The following AGPAT3 variants were observed in gnomAD, a reference collection of about 807,000 sequenced individuals.
The protein encoded by AGPAT3 is 1-acyl-sn-glycerol-3-phosphate acyltransferase gamma.
AGPAT3 carries 5 observed loss-of-function variants against 47.3 expected under a neutral mutation model. The observed-to-expected ratio is 0.11, with a 90% CI of 0.06 to 0.22. AGPAT3 has a LOEUF of 0.22. AGPAT3 is among the 10% of genes least tolerant of loss of function. The pLI is 1.00. For missense variants in AGPAT3, 315 were observed against 493.0 expected, an observed-to-expected ratio of 0.64 and a Z score of 3.42; for synonymous variants, 212 against 208.3, an observed-to-expected ratio of 1.02 and a Z score of -0.15.
At chr21:43,877,407 A>G (rs1373927905) in intron 1 of AGPAT3, among the ~76,000 whole-genome samples, 1 of 152,224 alleles carries the variant, frequency 6.6e-6, no homozygotes, top group Non-Finnish European at 1.5e-5. Flanking sequence ...TAGAAAATAA[A>G]TGTGAAGGAA....
intron 2 of AGPAT3, among the ~76,000 whole-genome samples, chr21:43,904,960 G>A (rs2086453585): frequency 6.6e-6 from 1 of 152,138 alleles, no homozygotes; most frequent in South Asian, 2.1e-4. Context: ...TCACAACCCA[G>A]GGTGTGTTGA....
At chr21:43,885,888 G>A (rs965765041) in intron 1 of AGPAT3, among the ~76,000 whole-genome samples, 2 of 152,268 alleles carry the variant, frequency 1.3e-5, no homozygotes, top group African/African-American at 4.8e-5. Context: ...GGATGGGTAA[G>A]CAGTGTTTTC....
chr21:43,951,410 G>A (rs1041807249), intron 2 of AGPAT3, among the ~76,000 whole-genome samples: 3 of 152,240 alleles, frequency 2.0e-5, no homozygotes, highest in Non-Finnish European at 2.9e-5. Flanking sequence ...TCCGCCAACT[G>A]CTGTCTGCTG....
intron 1 of AGPAT3, among the ~76,000 whole-genome samples, chr21:43,868,884 G>C (rs2123490807): frequency 6.6e-6 from 1 of 152,308 alleles, no homozygotes; most frequent in Middle Eastern, 3.4e-3. Context: ...GTGGGGAAGT[G>C]TGGCCAGCGT....
intron 1 of AGPAT3, among the ~76,000 whole-genome samples, chr21:43,878,940 C>T (rs1424804816): frequency 1.3e-5 from 2 of 152,100 alleles, no homozygotes; most frequent in East Asian, 1.9e-4. Flanking sequence ...GAGGTTTCAC[C>T]ATATTGGCCA....
chr21:43,971,469 A>G lies in AGPAT3; in HGVS notation c.746A>G (p.Tyr249Cys). 1 of 1,614,222 alleles carries G rather than the reference A, an allele frequency of 6.2e-7. No individual in the cohort carries two copies. The highest frequency in any genetic ancestry group is 8.5e-7 in the Non-Finnish European group (1 of 1,180,030). ...SLLGILYGKKYEADMCVRRFP... is the reference protein window; with the variant it reads ...SLLGILYGKKCEADMCVRRFP... Reference sequence around the variant, plus strand: ...CTGGGGATCCTCTACGGGAAGAAGTACGAGGCGGACATGTGCGTGAGGTGA... The same window carrying G: ...CTGGGGATCCTCTACGGGAAGAAGTGCGAGGCGGACATGTGCGTGAGGTGA... Residue 249 changes from tyrosine to cysteine, a missense_variant, in exon 7 of 10, where the codon TAC becomes TGC. Tyr to Cys is a radical substitution (Grantham distance 194, BLOSUM62 -2). Coordinates refer to ENST00000291572, the MANE Select transcript of AGPAT3 (RefSeq NM_020132.5).
chr21:43,917,023 G>A (rs946769121), intron 2 of AGPAT3, among the ~76,000 whole-genome samples: 1 of 152,086 alleles, frequency 6.6e-6, no homozygotes, highest in Non-Finnish European at 1.5e-5. Flanking sequence ...GGCAGAGCCC[G>A]TGGCCCCTCT....
chr21:43,962,805 G>T (rs778964793), intron 3 of AGPAT3, among the ~76,000 whole-genome samples: 2 of 152,160 alleles, frequency 1.3e-5, no homozygotes, highest in Non-Finnish European at 2.9e-5. Context: ...GTCTCATTCA[G>T]GCCTGAAGAA....
rs73906677 is a variant in AGPAT3, at chr21:43,942,094, G to C, written c.-48-17540G>C. Among the ~76,000 whole-genome samples, 846 of 152,384 alleles carry C rather than the reference G, an allele frequency of 5.6e-3. 6 individuals carry two copies. The highest frequency in any genetic ancestry group is 0.019 in the African/African-American group (792 of 41,586). On this transcript the variant is annotated intron_variant, in intron 2 of 9. Coordinates refer to ENST00000291572, the MANE Select transcript of AGPAT3 (RefSeq NM_020132.5). ...TTAGCTGTGGAATTCGAGGCCTCAA[G>C]TGGTGGCCTGCGCCGTGGCAGCGTA...
intron 1 of AGPAT3, among the ~76,000 whole-genome samples, chr21:43,899,579 CAGGG>C (rs1211475275): frequency 6.6e-6 from 1 of 152,158 alleles, no homozygotes; most frequent in Admixed American, 6.5e-5. Context: ...GGCTGGCAGA[CAGGG>C]AGGAGGGAGC....
At chr21:43,875,552 A>G (rs1345166717) in intron 1 of AGPAT3, among the ~76,000 whole-genome samples, 1 of 152,190 alleles carries the variant, frequency 6.6e-6, no homozygotes, top group Non-Finnish European at 1.5e-5. Context: ...TTATTTCTTC[A>G]GCTGTCTTCC....
chr21:43,870,563 A>C (rs7279939), intron 1 of AGPAT3, among the ~76,000 whole-genome samples: 99,199 of 149,676 alleles, frequency 0.66, 34,741 homozygotes, highest in Admixed American at 0.78. Flanking sequence ...AAAAAAAAAA[A>C]AACCCAAAAA....
At position 43,922,687 on chromosome 21, in the gene AGPAT3, G is replaced by A. The variant is rs1407640126; in HGVS notation, c.-49+18668G>A. ...AACAGTGTGCTCTGGGCTTCCATGG[G>A]GTCTCCCAGCTCAGGGGCTGTGGCT... On this transcript the variant is annotated intron_variant, in intron 2 of 9. Coordinates refer to ENST00000291572, the MANE Select transcript of AGPAT3 (RefSeq NM_020132.5). The surrounding 1 kb of genome is among the most constrained non-coding windows in gnomAD (Gnocchi z 4.9). 1.3e-5 allele frequency among the ~76,000 whole-genome samples: 2 copies of A among 151,904 alleles called. No individual in the cohort carries two copies. Among genetic ancestry groups the A allele is most frequent in the African/African-American group, 4.8e-5 (2 of 41,432 alleles).
chr21:43,967,562 C>G (rs2089190016), intron 3 of AGPAT3: 1 of 188,412 alleles, frequency 5.3e-6, no homozygotes. Context: ...GTCTGTTCTG[C>G]AGACATACGA....
At chr21:43,872,178 GTT>G (rs111592161) in intron 1 of AGPAT3, among the ~76,000 whole-genome samples, 4 of 139,418 alleles carry the variant, frequency 2.9e-5, no homozygotes, top group African/African-American at 7.9e-5. Flanking sequence ...TGTAAATGGT[GTT>G]TTTTTTTTTT....
rs1382695070 is a variant in AGPAT3 at position 43,985,424 on chromosome 21, C to G, written c.*3032C>G. The stretch of plus-strand genomic sequence containing the variant: ...AAAAAAAAAAAAAAGCACGTCCTGT[C>G]GATGAATTTTGAGTCTCTCTGCCTT... On this transcript the variant is annotated 3_prime_UTR_variant, in exon 10 of 10. Coordinates refer to ENST00000291572, the MANE Select transcript of AGPAT3 (RefSeq NM_020132.5). 6 of 332,314 alleles carry G rather than the reference C, an allele frequency of 1.8e-5. No individual in the cohort carries two copies. Among genetic ancestry groups the G allele is most frequent in the South Asian group, 9.3e-5 (4 of 42,866 alleles). 20.6% of individuals were successfully genotyped at this position (332,314 alleles called of 1,614,324 possible).
Position 43,982,100 on chromosome 21 carries a change from G to A in AGPAT3, c.1043-204G>A, listed in dbSNP as rs2089874427. On this transcript the variant is annotated intron_variant, in intron 9 of 9. Transcript: ENST00000291572. This position sits in a 1 kb window ranked among gnomAD's most constrained non-coding sequence, Gnocchi z 6.2. Reference sequence around the variant, plus strand: ...TCGGACCCAGCCGGTCAGAAGACGTGCCCCTCACCCCTGCCTGAGCAGACC... The same window carrying A: ...TCGGACCCAGCCGGTCAGAAGACGTACCCCTCACCCCTGCCTGAGCAGACC... Among the ~76,000 whole-genome samples the A allele has an allele frequency of 1.3e-5, 2 of 152,212 alleles. No homozygotes were observed. Among genetic ancestry groups the A allele is most frequent in the Non-Finnish European group, 2.9e-5 (2 of 68,028 alleles).
rs1045474641 is a variant in AGPAT3 at position 43,933,553 on chromosome 21, G to A, written c.-48-26081G>A. ...GCATTGTTCTCAGTGCGCCCCGGGGGTCTTTGGTTCTCCATAGCCTGCTGG... is the reference window on the plus strand; with the variant it reads ...GCATTGTTCTCAGTGCGCCCCGGGGATCTTTGGTTCTCCATAGCCTGCTGG... On this transcript the variant is annotated intron_variant, in intron 2 of 9. Transcript: ENST00000291572. This position sits in a 1 kb window ranked among gnomAD's most constrained non-coding sequence, Gnocchi z 6.0. Among the ~76,000 whole-genome samples the A allele has an allele frequency of 6.6e-6, 1 of 152,098 alleles. No individual in the cohort carries two copies. Among genetic ancestry groups the A allele is most frequent in the African/African-American group, 2.4e-5 (1 of 41,410 alleles).
intron 2 of AGPAT3, among the ~76,000 whole-genome samples, chr21:43,935,630 G>T (rs757957843): frequency 7.9e-5 from 12 of 152,222 alleles, no homozygotes; most frequent in Non-Finnish European, 1.5e-4. Flanking sequence ...GGGCATTCTG[G>T]GGCCTCAGGG....
Sources: allele counts gnomAD v4.1 joint callset (sites outside exome capture counted in the v4.1 genomes callset), GRCh38; gene constraint gnomAD v4.1.1; non-coding constraint Gnocchi (gnomAD v3.1); transcripts MANE v1.5; gene names NCBI Gene and HGNC (gene_info 2026-07-23, HGNC 2026-07-21).